Variants in TMEM236 observed in about 807,000 individuals in gnomAD.
The protein encoded by TMEM236 is transmembrane protein 236.
Under a neutral mutation model 14.7 loss-of-function variants are expected in TMEM236, and 11 were observed. That is an observed-to-expected ratio of 0.75 (90% CI 0.47 to 1.24). The LOEUF is 1.24. Ranked by LOEUF, TMEM236 falls within the 50% of genes most tolerant of loss-of-function variation. The probability of loss-of-function intolerance (pLI) is 0.00; values close to 1 mark genes in which losing one functional copy is unlikely to be tolerated. For missense variants in TMEM236, 464 were observed against 427.3 expected, an observed-to-expected ratio of 1.09 and a Z score of -0.76; for synonymous variants, 182 against 168.6, an observed-to-expected ratio of 1.08 and a Z score of -0.62.
intron 3 of TMEM236, among the ~76,000 whole-genome samples, chr10:17,781,287 TTTC>T (rs1293257897): frequency 2.0e-5 from 3 of 152,192 alleles, no homozygotes; most frequent in African/African-American, 4.8e-5. Context: ...GCCTAAATAA[TTTC>T]TTCTTAACTC....
intron 1 of TMEM236, among the ~76,000 whole-genome samples, chr10:17,759,630 A>G (rs904427901): frequency 5.3e-5 from 8 of 152,336 alleles, no homozygotes; most frequent in African/African-American, 1.9e-4. Context: ...GCATAATTTT[A>G]AACACATTGT....
rs1838008564 is a variant in TMEM236, at chr10:17,796,079, G to T, written c.631G>T (p.Val211Leu). 2 of 1,613,758 alleles carry T rather than the reference G, an allele frequency of 1.2e-6. No individual in the cohort carries two copies. Among genetic ancestry groups the T allele is most frequent in the African/African-American group, 1.3e-5 (1 of 74,888 alleles). Reference protein sequence around the residue: ...SGAMTRSQESVFMGPQEPSCD... With the variant: ...SGAMTRSQESLFMGPQEPSCD... ...AGCCATGACACGGAGCCAGGAGTCT[G>T]TGTTCATGGGACCCCAGGAGCCCTC... The change falls in exon 4 of 4, where the codon GTG becomes TTG. Residue 211 changes from valine (V) to leucine (L), a missense_variant. Physicochemically the swap from Val to Leu is conservative, Grantham distance 32 (BLOSUM62 1). Coordinates refer to ENST00000377495, the MANE Select transcript of TMEM236 (RefSeq NM_001098844.3).
chr10:17,772,622 A>G (rs1398683922), intron 2 of TMEM236, among the ~76,000 whole-genome samples: 1 of 152,066 alleles, frequency 6.6e-6, no homozygotes, highest in African/African-American at 2.4e-5. Context: ...TCACCGAAGT[A>G]TAACACATAA....
chr10:17,756,266 AAGAC>A (rs1332291423), intron 1 of TMEM236, among the ~76,000 whole-genome samples: 8 of 152,274 alleles, frequency 5.3e-5, no homozygotes, highest in Non-Finnish European at 1.0e-4. Context: ...GAAAAACAAA[AAGAC>A]AGAGAAATAT....
chr10:17,788,153 T>C (rs1837867943), intron 3 of TMEM236, among the ~76,000 whole-genome samples: 1 of 150,406 alleles, frequency 6.6e-6, no homozygotes, highest in Admixed American at 6.6e-5. Context: ...TTTATTTATA[T>C]ATTAGATATT....
intron 1 of TMEM236, among the ~76,000 whole-genome samples, chr10:17,767,330 A>G (rs1837483921): frequency 6.6e-6 from 1 of 152,084 alleles, no homozygotes; most frequent in Non-Finnish European, 1.5e-5. Context: ...GCGTGGTGGC[A>G]TGTGCCTGTG....
rs1837991002 is a variant in TMEM236, at chr10:17,795,183, T to G, written c.473-738T>G. 2.0e-5 allele frequency among the ~76,000 whole-genome samples: 3 copies of G among 152,206 alleles called. No individual in the cohort carries two copies. The South Asian group carries it at 6.2e-4, about 32-fold the overall frequency. The stretch of plus-strand genomic sequence containing the variant: ...TGACAAAGTTGGATTGGGGGACTTT[T>G]AGATTCACTTGATTTTATGACACTC... On this transcript the variant is annotated intron_variant, in intron 3 of 3. Transcript: ENST00000377495.
chr10:17,768,783 A>G (rs1228769109), intron 1 of TMEM236, among the ~76,000 whole-genome samples: 1 of 149,102 alleles, frequency 6.7e-6, no homozygotes, highest in Non-Finnish European at 1.5e-5. Context: ...TTCCTATACT[A>G]TATATGAGAG....
chr10:17,774,199 C>T (rs2131751726), intron 2 of TMEM236, among the ~76,000 whole-genome samples: 1 of 152,164 alleles, frequency 6.6e-6, no homozygotes, highest in East Asian at 1.9e-4. Flanking sequence ...CATGTGCCAC[C>T]ACACCCGGCT....
Position 17,796,320 on chromosome 10 carries a change from C to T in TMEM236, c.872C>T (p.Ser291Phe). ...ACTCCCCAAAACCCTCTTCTCAATTCCCTGAGCGTCCTGCTGCAAGATTTA... is the reference window on the plus strand; with the variant it reads ...ACTCCCCAAAACCCTCTTCTCAATTTCCTGAGCGTCCTGCTGCAAGATTTA... ...TFTPQNPLLN[S>F]LSVLLQDLPF... The change falls in exon 4 of 4, where the codon TCC (serine) becomes TTC (phenylalanine). Residue 291 changes from serine (S) to phenylalanine (F), a missense_variant. Ser to Phe is a radical substitution (Grantham distance 155). Coordinates refer to ENST00000377495, the MANE Select transcript of TMEM236 (RefSeq NM_001098844.3). The T allele has an allele frequency of 6.2e-7, 1 of 1,613,948 alleles. No homozygotes were observed. Among genetic ancestry groups the T allele is most frequent in the Non-Finnish European group, 8.5e-7 (1 of 1,179,862 alleles).
intron 1 of TMEM236, among the ~76,000 whole-genome samples, chr10:17,769,730 C>T (rs969017798): frequency 1.3e-5 from 2 of 152,268 alleles, no homozygotes; most frequent in East Asian, 3.9e-4. Flanking sequence ...GGGGTAATCT[C>T]ATCTTCTAAT....
intron 3 of TMEM236, among the ~76,000 whole-genome samples, chr10:17,786,213 G>GT (rs1208927741): frequency 6.6e-6 from 1 of 152,300 alleles, no homozygotes; most frequent in East Asian, 1.9e-4. Context: ...AATTCAGCAT[G>GT]TGTTACTTTA....
rs1838027819 is a variant in TMEM236, at chr10:17,797,012, T to G, written c.*508T>G. The G allele has an allele frequency of 6.1e-6, 1 of 163,492 alleles. No homozygotes were observed. The highest frequency in any genetic ancestry group is 2.4e-5 in the African/African-American group (1 of 41,462). 10.1% of individuals were successfully genotyped at this position (163,492 alleles called of 1,614,324 possible). ...ACCTGATGATCTGAGGTGGGACAGT[T>G]TCATCCCAGAACCCAACCCCACCCC... is the stretch of plus-strand genomic sequence containing the variant. On this transcript the variant is annotated 3_prime_UTR_variant, in exon 4 of 4. Transcript: ENST00000377495.
chr10:17,798,122 T>G lies in TMEM236; in HGVS notation c.*1618T>G. The G allele has an allele frequency of 5.2e-6, 1 of 193,036 alleles. No homozygotes were observed. Among genetic ancestry groups the G allele is most frequent in the Non-Finnish European group, 1.1e-5 (1 of 93,146 alleles). The allele number at this position is 193,036 out of a possible 1,614,324, so 12.0% of individuals were successfully genotyped here. ...TGTTCATTTGATAGTAATTTTCAGA[T>G]GCTAGAGAGATTTGTGAGAGGCTGA... On this transcript the variant is annotated 3_prime_UTR_variant, in exon 4 of 4. Coordinates refer to ENST00000377495, the MANE Select transcript of TMEM236 (RefSeq NM_001098844.3).
intron 3 of TMEM236, among the ~76,000 whole-genome samples, chr10:17,782,959 A>C (rs1034288781): frequency 1.3e-5 from 2 of 152,160 alleles, no homozygotes; most frequent in Non-Finnish European, 2.9e-5. Context: ...AGAATGCCTG[A>C]GGCGATGTGC....
chr10:17,757,649 A>G (rs1762872396), intron 1 of TMEM236, among the ~76,000 whole-genome samples: 1 of 150,584 alleles, frequency 6.6e-6, no homozygotes, highest in African/African-American at 2.4e-5. Flanking sequence ...TTGTGAGCCT[A>G]GGTCTGTCTG....
chr10:17,779,298 A>G (rs1420739763), intron 3 of TMEM236, among the ~76,000 whole-genome samples: 3 of 151,982 alleles, frequency 2.0e-5, no homozygotes, highest in Admixed American at 6.6e-5. Context: ...TGAACCACCT[A>G]GAAGCAAAGT....
At chr10:17,759,501 C>T (rs920805911) in intron 1 of TMEM236, among the ~76,000 whole-genome samples, 9 of 152,102 alleles carry the variant, frequency 5.9e-5, no homozygotes, top group African/African-American at 1.7e-4. Flanking sequence ...TTAACATATT[C>T]CATGAGATTT....
At chr10:17,783,100 G>A (rs942265854) in intron 3 of TMEM236, among the ~76,000 whole-genome samples, 21 of 152,296 alleles carry the variant, frequency 1.4e-4, no homozygotes, top group African/African-American at 5.1e-4. Flanking sequence ...TGGCAAAACA[G>A]AAGCTGGGGA....
Sources: allele counts gnomAD v4.1 joint callset (sites outside exome capture counted in the v4.1 genomes callset), GRCh38; gene constraint gnomAD v4.1.1; transcripts MANE v1.5; gene names NCBI Gene and HGNC (gene_info 2026-07-23, HGNC 2026-07-21).